The following USH1C variants were observed in gnomAD, a reference collection of about 807,000 sequenced individuals.
USH1C encodes harmonin.
A neutral mutation model predicts 119.3 loss-of-function variants in USH1C; 90 were observed. The observed-to-expected ratio is 0.75, with a 90% confidence interval of 0.64 to 0.90. USH1C has a LOEUF of 0.90. USH1C is among the 40% of genes least tolerant of loss of function. The pLI is 0.00. For missense variants in USH1C, 1,165 were observed against 1,167.7 expected (o/e 1.00, Z 0.03); for synonymous variants, 465 against 443.3 (o/e 1.05, Z -0.62).
intron 14 of USH1C, among the ~76,000 whole-genome samples, chr11:17,519,249 A>G (rs1377513276): frequency 3.9e-5 from 6 of 152,244 alleles, no homozygotes; most frequent in African/African-American, 1.4e-4. Flanking sequence ...CCTTAGGTCC[A>G]AATGAGAATT....
intron 17 of USH1C, 55 bp from the exon 18 acceptor site, chr11:17,509,893 C>A: frequency 6.4e-7 from 1 of 1,551,850 alleles, no homozygotes; most frequent in Non-Finnish European, 8.7e-7. Flanking sequence ...AGCTCCACTT[C>A]ACAATACAGC....
At chr11:17,494,725 G>A (rs35559981) in intron 26 of USH1C, 3 of 373,446 alleles carry the variant, frequency 8.0e-6, no homozygotes, top group Non-Finnish European at 1.5e-5. Context: ...GGGAGCATGA[G>A]GCCCTAATGT....
chr11:17,503,531 G>A (rs1425244779), intron 20 of USH1C, among the ~76,000 whole-genome samples: 1 of 152,198 alleles, frequency 6.6e-6, no homozygotes, highest in Non-Finnish European at 1.5e-5. Flanking sequence ...TCAGTGGGCA[G>A]GGGAGCAAGG....
rs12270644 is a variant in USH1C, at chr11:17,501,742, C to T, written c.2226+197G>A. ...CAGTGGACACACACACGTGCATGTG[C>T]ACCATACAGTTCACACTGGAGTGCC... On this transcript the variant is annotated intron_variant, in intron 21 of 26. Coordinates refer to ENST00000005226, the MANE Select transcript of USH1C (RefSeq NM_153676.4). Among the ~76,000 whole-genome samples, 14,455 of 152,130 alleles carry T rather than the reference C, an allele frequency of 0.095. 872 individuals carry two copies. The highest frequency in any genetic ancestry group is 0.17 in the African/African-American group (6,848 of 41,486).
intron 23 of USH1C, among the ~76,000 whole-genome samples, chr11:17,500,130 G>T (rs1443672479): frequency 3.9e-5 from 6 of 152,238 alleles, no homozygotes; most frequent in Non-Finnish European, 8.8e-5. Context: ...GGTCTGCAAA[G>T]GTTTCACTCA....
At chr11:17,500,333 C>G (rs1039201831) in intron 23 of USH1C, among the ~76,000 whole-genome samples, 34 of 152,230 alleles carry the variant, frequency 2.2e-4, no homozygotes, top group African/African-American at 7.5e-4. Context: ...CCTCCACCTT[C>G]TCCTGGCTGT....
intron 21 of USH1C, 50 bp from the exon 22 acceptor site, chr11:17,501,585 G>A (rs769480279): frequency 5.7e-6 from 9 of 1,579,994 alleles, no homozygotes; most frequent in Middle Eastern, 1.7e-4. Flanking sequence ...GAAGGATGGC[G>A]CTTGGGGTAG....
chr11:17,518,494 C>T (rs952962503), intron 14 of USH1C, among the ~76,000 whole-genome samples: 32 of 152,178 alleles, frequency 2.1e-4, no homozygotes, highest in African/African-American at 7.7e-4. Context: ...ACCTACATAA[C>T]TCCTGCCTAA....
At chr11:17,524,917 T>C (rs920714732) in intron 8 of USH1C, among the ~76,000 whole-genome samples, 3 of 152,088 alleles carry the variant, frequency 2.0e-5, no homozygotes, top group Non-Finnish European at 2.9e-5. Flanking sequence ...GGTGTGATCA[T>C]AGCTCTCTGC....
At position 17,510,536 on chromosome 11, in the gene USH1C, C is replaced by G; in HGVS notation, c.1414-15G>C. On this transcript the variant is annotated splice_polypyrimidine_tract_variant and intron_variant, in intron 16 of 26. Transcript: ENST00000005226. The stretch of plus-strand genomic sequence containing the variant: ...GTCTCAGACACCTGGGACCCAGGAT[C>G]GGCGCAGAAAGGAGAGGACAAAGGG... 1 of 1,602,076 alleles carries G rather than the reference C, an allele frequency of 6.2e-7. No homozygotes were observed. The highest frequency in any genetic ancestry group is 2.2e-5 in the East Asian group (1 of 44,804).
intron 1 of USH1C, among the ~76,000 whole-genome samples, chr11:17,539,357 C>A (rs1219085265): frequency 1.3e-5 from 2 of 152,188 alleles, no homozygotes; most frequent in Non-Finnish European, 2.9e-5. Context: ...CAAAGAACCC[C>A]TTCCCCAACT....
intron 20 of USH1C, among the ~76,000 whole-genome samples, chr11:17,503,817 C>T (rs895983299): frequency 6.6e-6 from 1 of 152,228 alleles, no homozygotes; most frequent in African/African-American, 2.4e-5. Context: ...TAGCACTTAC[C>T]ACCCAGGGTT....
In USH1C at chr11:17,531,893, C is replaced by G. The variant is rs185603222; in HGVS notation, c.105-351G>C. Among the ~76,000 whole-genome samples, 1 of 152,302 alleles carries G rather than the reference C, an allele frequency of 6.6e-6. No individual in the cohort carries two copies. Among genetic ancestry groups the G allele is most frequent in the African/African-American group, 2.4e-5 (1 of 41,560 alleles). On this transcript the variant is annotated intron_variant, in intron 2 of 26. Coordinates refer to ENST00000005226, the MANE Select transcript of USH1C (RefSeq NM_153676.4). The surrounding 1 kb of genome is among the most constrained non-coding windows in gnomAD (Gnocchi z 4.2). ...TCCTCACACACTCATCATCTCCACTCGTATCTGCTGCTAAGCTCTGTCAAT... is the reference window on the plus strand; with the variant it reads ...TCCTCACACACTCATCATCTCCACTGGTATCTGCTGCTAAGCTCTGTCAAT...
intron 25 of USH1C, among the ~76,000 whole-genome samples, chr11:17,496,508 G>T (rs1849254296): frequency 1.3e-5 from 2 of 152,188 alleles, no homozygotes; most frequent in South Asian, 4.1e-4. Context: ...CCCGGTCTAA[G>T]ACCTCATGCC....
At chr11:17,522,967 A>T (rs1327982945) in intron 11 of USH1C, 41 bp from the exon 12 acceptor site, 1 of 1,599,610 alleles carries the variant, frequency 6.3e-7, no homozygotes, top group East Asian at 2.3e-5. Context: ...CCCCCGGGGA[A>T]CCTGGGGATC....
rs748034933 is a variant in USH1C at position 17,509,371 on chromosome 11, G to A, written c.1998C>T (p.Phe666=). The change falls in exon 18 of 27, where the codon TTC becomes TTT. Residue 666 remains phenylalanine, a synonymous_variant. Transcript: ENST00000005226. ...PTNSPVPEQS[F]PPTPKTFCPS... is the part of the protein sequence containing the mutation. ...GGGACATTACCTTTGGGGTGGGTGG[G>A]AAGCTCTGTTCAGGGACAGGGGAGT... 3 of 1,581,602 alleles carry A rather than the reference G, an allele frequency of 1.9e-6. No individual in the cohort carries two copies. Among genetic ancestry groups the A allele is most frequent in the Non-Finnish European group, 2.6e-6 (3 of 1,159,416 alleles).
At chr11:17,497,427 TC>T (rs1430603047) in intron 24 of USH1C, among the ~76,000 whole-genome samples, 1 of 152,160 alleles carries the variant, frequency 6.6e-6, no homozygotes, top group Non-Finnish European at 1.5e-5. Context: ...CTCCATCCAA[TC>T]CAGGTCTTCC....
At chr11:17,504,353 T>C (rs1213458181) in intron 20 of USH1C, among the ~76,000 whole-genome samples, 1 of 152,182 alleles carries the variant, frequency 6.6e-6, no homozygotes, top group African/African-American at 2.4e-5. Context: ...CTCTGAGGGT[T>C]CCTTCTGCCC....
chr11:17,525,908 G>C (rs1473479847), intron 8 of USH1C, among the ~76,000 whole-genome samples: 1 of 152,216 alleles, frequency 6.6e-6, no homozygotes, highest in Non-Finnish European at 1.5e-5. Flanking sequence ...ACCAAGAAGT[G>C]TCAACACCAA....
Sources: gnomAD v4.1 joint callset for allele counts (sites outside exome capture counted in the v4.1 genomes callset) on GRCh38, gnomAD v4.1.1 for gene constraint, Gnocchi (gnomAD v3.1) non-coding constraint, MANE v1.5 for transcripts, NCBI Gene and HGNC (gene_info 2026-07-23, HGNC 2026-07-21) for gene names.